Variants in IMPG1 observed in about 807,000 individuals in gnomAD.
IMPG1 encodes the protein interphotoreceptor matrix proteoglycan of 150 kDa.
A neutral mutation model predicts 92.0 loss-of-function variants in IMPG1; 85 were observed. The ratio of observed to expected loss-of-function variants is 0.92; its 90% CI spans 0.78 to 1.11. The LOEUF (loss-of-function observed/expected upper bound fraction) is 1.11. IMPG1 is among the 50% of genes least tolerant of loss of function. The pLI, the probability that IMPG1 is intolerant of heterozygous loss-of-function variation, is 0.00. For synonymous variants in IMPG1, 367 were observed against 334.1 expected (o/e 1.10, Z -1.08); for missense variants, 1,022 against 956.0 (o/e 1.07, Z -0.91).
At chr6:75,974,404 C>CCTTCCTTCCTTG (rs1782494594) in intron 12 of IMPG1, among the ~76,000 whole-genome samples, 12 of 107,956 alleles carry the variant, frequency 1.1e-4, no homozygotes, top group East Asian at 2.9e-4. Flanking sequence ...TTCTTTCTTT[C>CCTTCCTTCCTTG]CTTCCTTCCT....
intron 4 of IMPG1, 134 bp downstream of exon 4, chr6:76,034,181 T>G (rs572549255): frequency 1.3e-6 from 1 of 784,748 alleles, no homozygotes; most frequent in South Asian, 1.7e-5. Context: ...GCAGGAATTG[T>G]CTGTCAGAAT....
Position 75,951,029 on chromosome 6 carries a change from C to T in IMPG1, c.1357G>A (p.Ala453Thr), listed in dbSNP as rs532510876. Residue 453 changes from alanine (A) to threonine (T), a missense_variant, in exon 13 of 17, where the codon GCA (alanine) becomes ACA (threonine). Ala to Thr is a moderately conservative substitution (Grantham distance 58). Transcript: ENST00000369950. ...SLSEAPPFFM[A>T]SSIFSLTDQG... Reference sequence around the variant, plus strand: ...TCAGTCAGAGAGAAGATGCTTGATGCCATAAAGAAAGGTGGAGCTTCTGAC... The same window carrying T: ...TCAGTCAGAGAGAAGATGCTTGATGTCATAAAGAAAGGTGGAGCTTCTGAC... 6.2e-7 allele frequency: 1 copy of T among 1,613,544 alleles called. No homozygotes were observed. Among genetic ancestry groups the T allele is most frequent in the African/African-American group, 1.3e-5 (1 of 74,952 alleles).
At chr6:75,933,925 G>A (rs11754389) in intron 14 of IMPG1, among the ~76,000 whole-genome samples, 26,431 of 152,158 alleles carry the variant, frequency 0.17, 2,858 homozygotes, top group Non-Finnish European at 0.25. Flanking sequence ...GTGAGAAAAC[G>A]GAAGCCCATT....
At chr6:76,012,463 G>A (rs945579087) in intron 7 of IMPG1, among the ~76,000 whole-genome samples, 1 of 152,204 alleles carries the variant, frequency 6.6e-6, no homozygotes, top group African/African-American at 2.4e-5. Context: ...GCTTCACTCA[G>A]TCACTCTCTC....
intron 7 of IMPG1, among the ~76,000 whole-genome samples, chr6:76,012,488 C>T (rs1783203172): frequency 6.6e-6 from 1 of 152,236 alleles, no homozygotes; most frequent in African/African-American, 2.4e-5. Flanking sequence ...CTTCTGGAAG[C>T]TCGACTGTAG....
At chr6:75,984,405 A>G (rs1562359071) in intron 12 of IMPG1, among the ~76,000 whole-genome samples, 3 of 152,218 alleles carry the variant, frequency 2.0e-5, no homozygotes. Context: ...AAATGCTACC[A>G]TTTGTAACAA....
At chr6:76,033,647 A>G (rs984890097) in intron 4 of IMPG1, among the ~76,000 whole-genome samples, 2 of 152,206 alleles carry the variant, frequency 1.3e-5, no homozygotes, top group Non-Finnish European at 2.9e-5. Context: ...AAGGCATTGT[A>G]AAGTATTGTC....
chr6:76,006,370 A>G (rs916119694), intron 9 of IMPG1, among the ~76,000 whole-genome samples: 1 of 148,378 alleles, frequency 6.7e-6, no homozygotes, highest in Non-Finnish European at 1.5e-5. Context: ...TTATGCATAT[A>G]CACATATATG....
chr6:76,011,653 T>C (rs1049100109), intron 7 of IMPG1, among the ~76,000 whole-genome samples: 2 of 151,900 alleles, frequency 1.3e-5, no homozygotes, highest in Non-Finnish European at 2.9e-5. Flanking sequence ...GTTACATATG[T>C]ATACATGTGC....
At chr6:76,018,313 C>G (rs1409168272) in intron 7 of IMPG1, among the ~76,000 whole-genome samples, 1 of 152,212 alleles carries the variant, frequency 6.6e-6, no homozygotes, top group Non-Finnish European at 1.5e-5. Context: ...TGTGGTCTCT[C>G]TCTCTCAATA....
Position 76,034,784 on chromosome 6 carries a change from C to G in IMPG1, c.305G>C (p.Cys102Ser). 1 of 1,613,908 alleles carries G rather than the reference C, an allele frequency of 6.2e-7. No individual in the cohort carries two copies. Among genetic ancestry groups the G allele is most frequent in the Non-Finnish European group, 8.5e-7 (1 of 1,179,862 alleles). The change falls in exon 3 of 17, where the codon TGT (cysteine) becomes TCT (serine). Residue 102 changes from cysteine to serine, a missense_variant. This residue lies in a region of IMPG1 where 681 missense variants were observed against 583.6 expected (regional missense o/e 1.17). Coordinates refer to ENST00000369950, the MANE Select transcript of IMPG1 (RefSeq NM_001563.4). ...SLQAYYRLRVCQEAVWEAYRI... is the reference protein window; with the variant it reads ...SLQAYYRLRVSQEAVWEAYRI... ...ATATGCTTCCCATACTGCTTCCTGA[C>G]ACACTGTAATACAGAGTCATTAATG...
At chr6:75,989,047 T>G (rs2149472468) in intron 12 of IMPG1, among the ~76,000 whole-genome samples, 1 of 152,162 alleles carries the variant, frequency 6.6e-6, no homozygotes, top group East Asian at 1.9e-4. Flanking sequence ...GTCTTCTTCC[T>G]CCTTACCACT....
Position 75,965,639 on chromosome 6 carries a change from G to A in IMPG1, c.1292-14545C>T, listed in dbSNP as rs1290578339. On this transcript the variant is annotated intron_variant, in intron 12 of 16. Transcript: ENST00000369950. ...TTTTTTTTTTTTGAGACGGAGTCTC[G>A]CTCTGTCGCTCAGGCTGGAGTGCAG... Among the ~76,000 whole-genome samples the A allele has an allele frequency of 2.6e-5, 3 of 114,454 alleles. No homozygotes were observed. In the South Asian group the frequency reaches 8.2e-4, roughly 31 times the overall value. The allele number at this position is 114,454 out of a possible 152,430, so 75.1% of individuals were successfully genotyped here.
chr6:76,065,719 G>A (rs965186604), intron 1 of IMPG1, among the ~76,000 whole-genome samples: 4 of 151,958 alleles, frequency 2.6e-5, no homozygotes, highest in South Asian at 2.1e-4. Flanking sequence ...GTTATAAGAG[G>A]CTCAGAGAAC....
At position 76,034,770 on chromosome 6, in the gene IMPG1, A is replaced by G; in HGVS notation, c.319T>C (p.Trp107Arg). 1 of 1,614,056 alleles carries G rather than the reference A, an allele frequency of 6.2e-7. No individual in the cohort carries two copies. The highest frequency in any genetic ancestry group is 8.5e-7 in the Non-Finnish European group (1 of 1,179,972). Residue 107 changes from tryptophan to arginine, a missense_variant, in exon 3 of 17, where the codon TGG becomes CGG. Trp to Arg is a moderately radical substitution (Grantham distance 101). Around this residue, in one of 3 missense-constraint regions of IMPG1, gnomAD observed 681 missense variants for 583.6 expected, o/e 1.17. Transcript: ENST00000369950. ...TCCAGAAAGATCCGATATGCTTCCC[A>G]TACTGCTTCCTGACACACTGTAATA... ...YRLRVCQEAV[W>R]EAYRIFLDRI...
intron 2 of IMPG1, 130 bp downstream of exon 2, chr6:76,041,763 A>T (rs1783846369): frequency 2.3e-5 from 15 of 641,890 alleles, no homozygotes; most frequent in Admixed American, 2.2e-4. Flanking sequence ...GATTATCACT[A>T]GGTTGATTTT....
chr6:76,022,152 G>A lies in IMPG1; in HGVS notation c.630C>T (p.Leu210=), dbSNP rs143754800. Residue 210 remains leucine (L), a synonymous_variant, in exon 6 of 17, where the codon CTC becomes CTT. Coordinates refer to ENST00000369950, the MANE Select transcript of IMPG1 (RefSeq NM_001563.4). Reference sequence around the variant, plus strand: ...TCTTGGTGTCGTTGAGTGTATTATCGAGAATTTCATTGAGGAGGGTGTCAT... The same window carrying A: ...TCTTGGTGTCGTTGAGTGTATTATCAAGAATTTCATTGAGGAGGGTGTCAT... ...TPDDTLLNEI[L]DNTLNDTKMP... 94 of 1,592,964 alleles carry A rather than the reference G, an allele frequency of 5.9e-5. No individual in the cohort carries two copies. The African/African-American group carries it at 1.0e-3, about 17-fold the overall frequency.
rs762218489 is a variant in IMPG1, at chr6:76,005,310, A to G, written c.1112T>C (p.Val371Ala). 5.6e-6 allele frequency: 9 copies of G among 1,613,916 alleles called. No homozygotes were observed. The Admixed American group carries it at 6.7e-5, about 12-fold the overall frequency. ...KALEEEQSLDVGTIQFTDEIA... is the reference protein window; with the variant it reads ...KALEEEQSLDAGTIQFTDEIA... ...ACCATCAGTGAACTGAATTGTCCCC[A>G]CATCCAAAGATTGTTCTTCCTCTAG... Residue 371 changes from valine (V) to alanine (A), a missense_variant, in exon 10 of 17, where the codon GTG becomes GCG. By Grantham distance (64) the Val-to-Ala change is moderately conservative (BLOSUM62 0). Around this residue, in one of 3 missense-constraint regions of IMPG1, gnomAD observed 681 missense variants for 583.6 expected, o/e 1.17. Transcript: ENST00000369950.
At position 76,030,755 on chromosome 6, in the gene IMPG1, C is replaced by T. The variant is rs189939491; in HGVS notation, c.497+3560G>A. 2.9e-3 allele frequency among the ~76,000 whole-genome samples: 443 copies of T among 152,238 alleles called. 2 individuals are homozygous for T. Among genetic ancestry groups the T allele is most frequent in the African/African-American group, 1.0e-2 (414 of 41,538 alleles). ...GACTGCTTTTCCCCAAATCAGCAGC[C>T]CCTGTCAGCAGGAAGCAGTTAAGAT... On this transcript the variant is annotated intron_variant, in intron 4 of 16. Coordinates refer to ENST00000369950, the MANE Select transcript of IMPG1 (RefSeq NM_001563.4).
Sources: allele counts gnomAD v4.1 joint callset (sites outside exome capture counted in the v4.1 genomes callset), GRCh38; gene constraint gnomAD v4.1.1; regional missense constraint gnomAD v4.1.1; transcripts MANE v1.5; gene names NCBI Gene and HGNC (gene_info 2026-07-23, HGNC 2026-07-21).